The following LRBA variants were observed in gnomAD, a reference collection of about 807,000 sequenced individuals.
The protein encoded by LRBA is lipopolysaccharide-responsive and beige-like anchor protein.
A neutral mutation model predicts 330.0 loss-of-function variants in LRBA; 176 were observed. The ratio of observed to expected loss-of-function variants is 0.53; its 90% CI spans 0.47 to 0.60. The LOEUF (loss-of-function observed/expected upper bound fraction) is 0.60, where lower values mean the gene tolerates loss of function less well. Among genes scored for constraint, LRBA ranks in the 20% least tolerant of loss-of-function variants. LRBA has a pLI of 0.00. For missense variants in LRBA, 3,259 were observed against 3,444.8 expected (o/e 0.95, Z 1.35); for synonymous variants, 1,230 against 1,193.0 (o/e 1.03, Z -0.64).
At chr4:150,443,874 T>TATATA (rs1561185911) in intron 44 of LRBA, among the ~76,000 whole-genome samples, 4 of 28,044 alleles carry the variant, frequency 1.4e-4, no homozygotes, top group African/African-American at 3.0e-4. Flanking sequence ...ATATATATAT[T>TATATA]TTTTTTTTTT....
At chr4:150,911,757 G>A (rs1184981092) in intron 9 of LRBA, among the ~76,000 whole-genome samples, 1 of 152,128 alleles carries the variant, frequency 6.6e-6, no homozygotes, top group Non-Finnish European at 1.5e-5. Flanking sequence ...GTAAATTTGA[G>A]GAGAATTGGC....
At chr4:150,491,121 C>A in intron 40 of LRBA, 86 bp from the exon 41 acceptor site, 1 of 550,430 alleles carries the variant, frequency 1.8e-6, no homozygotes, top group Non-Finnish European at 3.2e-6. Context: ...AGAAAAGACC[C>A]TATTAAGAAA....
intron 2 of LRBA, among the ~76,000 whole-genome samples, chr4:150,996,699 C>A (rs1191339152): frequency 1.3e-5 from 2 of 152,108 alleles, no homozygotes; most frequent in Non-Finnish European, 2.9e-5. Context: ...TAATACAATT[C>A]CTGACAAATT....
chr4:150,528,136 TA>T (rs1259260451), intron 40 of LRBA, among the ~76,000 whole-genome samples: 6 of 152,160 alleles, frequency 3.9e-5, no homozygotes, highest in African/African-American at 1.4e-4. Flanking sequence ...CACTGTACTA[TA>T]AATATCAACT....
rs541959611 is a variant in LRBA at position 150,532,951 on chromosome 4, GGTAA to G, written c.6331-41920_6331-41917del. Among the ~76,000 whole-genome samples the G allele has an allele frequency of 8.2e-4, 124 of 152,128 alleles. 2 individuals carry two copies. The South Asian group carries it at 0.011, about 13-fold the overall frequency. ...GAAAAAAGAATTTTCTACTAATGTG[GGTAA>G]GTGTCTTCTATCTATTTATAAATGG... On this transcript the variant is annotated intron_variant, in intron 40 of 56. Transcript: ENST00000651943.
intron 47 of LRBA, among the ~76,000 whole-genome samples, chr4:150,350,552 A>T (rs1196582335): frequency 2.1e-5 from 3 of 141,386 alleles, no homozygotes; most frequent in African/African-American, 5.1e-5. Context: ...CCTGGAAAAG[A>T]GCGAAACTCC....
intron 2 of LRBA, among the ~76,000 whole-genome samples, chr4:150,939,322 A>G (rs945485156): frequency 6.6e-6 from 1 of 152,206 alleles, no homozygotes; most frequent in East Asian, 1.9e-4. Context: ...TTACCCTTAT[A>G]AAGAGGGAAA....
chr4:150,728,553 A>G (rs1360639230), intron 36 of LRBA, among the ~76,000 whole-genome samples: 3 of 152,254 alleles, frequency 2.0e-5, no homozygotes, highest in Non-Finnish European at 2.9e-5. Flanking sequence ...ATGCAAATCA[A>G]TCAATCAATG....
intron 47 of LRBA, among the ~76,000 whole-genome samples, chr4:150,396,346 C>A (rs1175619279): frequency 3.3e-5 from 5 of 152,068 alleles, no homozygotes; most frequent in African/African-American, 9.7e-5. Context: ...ACCATTGGTT[C>A]CCCTGGTTCT....
chr4:150,787,017 A>AGG (rs1739166846), intron 34 of LRBA, among the ~76,000 whole-genome samples: 2 of 152,178 alleles, frequency 1.3e-5, no homozygotes, highest in Non-Finnish European at 2.9e-5. Context: ...AAATCACCTG[A>AGG]AGTAGAGAGT....
chr4:150,854,039 G>T (rs1418917698), intron 22 of LRBA, among the ~76,000 whole-genome samples: 1 of 152,030 alleles, frequency 6.6e-6, no homozygotes, highest in African/African-American at 2.4e-5. Flanking sequence ...TGAATCACAA[G>T]AGTATACACA....
chr4:150,688,243 C>T (rs1259353460), intron 36 of LRBA, among the ~76,000 whole-genome samples: 4 of 152,150 alleles, frequency 2.6e-5, no homozygotes, highest in Non-Finnish European at 4.4e-5. Flanking sequence ...GGAAAACTGG[C>T]TAGCCATATG....
intron 2 of LRBA, among the ~76,000 whole-genome samples, chr4:151,008,840 G>A (rs1407612529): frequency 1.3e-5 from 2 of 150,210 alleles, no homozygotes; most frequent in Non-Finnish European, 3.0e-5. Flanking sequence ...GGGCTTGCTG[G>A]TGCATCCCTG....
chr4:150,823,819 G>C (rs1745823670), intron 30 of LRBA, among the ~76,000 whole-genome samples: 1 of 151,952 alleles, frequency 6.6e-6, no homozygotes, highest in Non-Finnish European at 1.5e-5. Flanking sequence ...CTATGTATCT[G>C]TTTTTATGAC....
intron 46 of LRBA, among the ~76,000 whole-genome samples, chr4:150,419,118 G>C (rs188456691): frequency 6.6e-6 from 1 of 152,156 alleles, no homozygotes; most frequent in African/African-American, 2.4e-5. Context: ...GCAGTCCTAA[G>C]AGAATTCAGT....
chr4:150,622,685 A>T (rs1241703436), intron 37 of LRBA, among the ~76,000 whole-genome samples: 1 of 118,238 alleles, frequency 8.5e-6, no homozygotes, highest in African/African-American at 3.2e-5. Context: ...CACCTAAATC[A>T]ATCTTTTTTT....
At chr4:150,667,434 G>A (rs2126851604) in intron 37 of LRBA, among the ~76,000 whole-genome samples, 1 of 152,264 alleles carries the variant, frequency 6.6e-6, no homozygotes, top group Admixed American at 6.5e-5. Context: ...GAGATGCTAT[G>A]CTGCTAGTTT....
intron 44 of LRBA, among the ~76,000 whole-genome samples, chr4:150,462,047 C>A (rs574737907): frequency 2.2e-4 from 34 of 151,846 alleles, no homozygotes; most frequent in South Asian, 8.3e-4. Flanking sequence ...TAAATATATT[C>A]CTGCGCTGAT....
At chr4:150,915,575 C>G in intron 8 of LRBA, 33 bp downstream of exon 8, 2 of 1,579,826 alleles carry the variant, frequency 1.3e-6, no homozygotes, top group Non-Finnish European at 1.7e-6. Context: ...TTTAAAATCA[C>G]TTTTTTCATT....
Sources: gnomAD v4.1 joint callset for allele counts (sites outside exome capture counted in the v4.1 genomes callset) on GRCh38, gnomAD v4.1.1 for gene constraint, MANE v1.5 for transcripts, NCBI Gene and HGNC (gene_info 2026-07-23, HGNC 2026-07-21) for gene names.